The following NISCH variants were observed in gnomAD, a reference collection of about 807,000 sequenced individuals.
The protein encoded by NISCH is I-1 receptor candidate protein.
NISCH carries 55 observed loss-of-function variants against 138.4 expected under a neutral mutation model. The ratio of observed to expected loss-of-function variants is 0.40; its 90% CI spans 0.32 to 0.50. The LOEUF (loss-of-function observed/expected upper bound fraction) is 0.50. Ranked by LOEUF, NISCH falls within the 20% of genes least tolerant of loss-of-function variation. The pLI is 0.71. For synonymous variants in NISCH, 860 were observed against 861.5 expected (o/e 1.00, Z 0.03); for missense variants, 1,643 against 2,005.5 (o/e 0.82, Z 3.45).
At position 52,455,672 on chromosome 3, in the gene NISCH, C is replaced by A. The variant is rs1445176744; in HGVS notation, c.31C>A (p.Arg11=). The change falls in exon 1 of 21, where the codon CGG becomes AGG. Residue 11 remains arginine (R), a synonymous_variant. Transcript: ENST00000345716. ...GACCGCGCGCACCTTCGGGCCCGAG[C>A]GGGAAGCCGAGCCGGCCAAGGAAGC... MATARTFGPE[R]EAEPAKEARV... The A allele has an allele frequency of 3.7e-6, 5 of 1,357,866 alleles. No homozygotes were observed. The African/African-American group carries it at 6.0e-5, about 16-fold the overall frequency. The allele number at this position is 1,357,866 out of a possible 1,614,324, so 84.1% of individuals were successfully genotyped here.
intron 6 of NISCH, 71 bp from the exon 7 acceptor site, chr3:52,473,663 A>G (rs187782668): frequency 2.6e-5 from 29 of 1,103,534 alleles, no homozygotes; most frequent in African/African-American, 2.6e-4. Context: ...GGGGGTAGGA[A>G]ACACCTGCAT....
chr3:52,478,112 G>A lies in NISCH; in HGVS notation c.1003G>A (p.Val335Met). Residue 335 changes from valine (V) to methionine (M), a missense_variant, in exon 10 of 21, where the codon GTG becomes ATG. Val to Met is a conservative substitution (Grantham distance 21, BLOSUM62 1). Coordinates refer to ENST00000345716, the MANE Select transcript of NISCH (RefSeq NM_007184.4). ...VDNLQHLYNL[V>M]HLDLSYNKLS... ...GCCGCTGCAGCACCTGTATAACCTT[G>A]TGCATCTGGACCTGTCCTACAACAA... is the stretch of plus-strand genomic sequence containing the variant. 1 of 1,613,942 alleles carries A rather than the reference G, an allele frequency of 6.2e-7. No individual in the cohort carries two copies. The highest frequency in any genetic ancestry group is 8.5e-7 in the Non-Finnish European group (1 of 1,179,950).
At position 52,455,725 on chromosome 3, in the gene NISCH, C is replaced by T; in HGVS notation, c.84C>T (p.Asp28=). 1.5e-6 allele frequency: 2 copies of T among 1,366,176 alleles called. No individual in the cohort carries two copies. Among genetic ancestry groups the T allele is most frequent in the Non-Finnish European group, 1.9e-6 (2 of 1,049,182 alleles). The allele number at this position is 1,366,176 out of a possible 1,614,324, so 84.6% of individuals were successfully genotyped here. A position where few individuals can be genotyped will look rare whatever the true frequency, so the allele number is the denominator to read the frequency against. Residue 28 remains aspartate, a synonymous_variant, in exon 1 of 21, where the codon GAC becomes GAT. Transcript: ENST00000345716. ...GCGTCGTGGGCTCGGAGCTTGTGGA[C>T]ACTTATACGGTGTGTTGGGGGCGCG... ...EARVVGSELV[D]TYTVYIIQVT...
intron 16 of NISCH, among the ~76,000 whole-genome samples, chr3:52,488,927 A>G (rs1707487558): frequency 6.6e-6 from 1 of 152,184 alleles, no homozygotes; most frequent in Non-Finnish European, 1.5e-5. Flanking sequence ...AACAGGCTGC[A>G]GCACACCGAG....
rs551808399 is a variant in NISCH at position 52,478,658 on chromosome 3, G to A, written c.1302+81G>A. On this transcript the variant is annotated intron_variant, in intron 11 of 20. Coordinates refer to ENST00000345716, the MANE Select transcript of NISCH (RefSeq NM_007184.4). ...CTGCATGGGCGGTAGGGGGATATAT[G>A]TCCATTGTTCTACCCTTGCCTGCTT... The A allele has an allele frequency of 2.5e-5, 34 of 1,339,310 alleles. No homozygotes were observed. The African/African-American group carries it at 4.6e-4, about 18-fold the overall frequency. 83.0% of individuals were successfully genotyped at this position (1,339,310 alleles called of 1,614,324 possible).
chr3:52,455,696 G>A lies in NISCH; in HGVS notation c.55G>A (p.Ala19Thr). 2 of 1,365,496 alleles carry A rather than the reference G, an allele frequency of 1.5e-6. No homozygotes were observed. The highest frequency in any genetic ancestry group is 2.1e-5 in the South Asian group (1 of 48,504). 84.6% of individuals were successfully genotyped at this position (1,365,496 alleles called of 1,614,324 possible). A position where few individuals can be genotyped will look rare whatever the true frequency, so the allele number is the denominator to read the frequency against. Residue 19 changes from alanine (A) to threonine (T), a missense_variant, in exon 1 of 21, where the codon GCG becomes ACG. Ala to Thr is a moderately conservative substitution (Grantham distance 58, BLOSUM62 0). Transcript: ENST00000345716. ...PEREAEPAKEARVVGSELVDT... is the reference protein window; with the variant it reads ...PEREAEPAKETRVVGSELVDT... ...GCGGGAAGCCGAGCCGGCCAAGGAA[G>A]CGCGCGTCGTGGGCTCGGAGCTTGT...
intron 17 of NISCH, 71 bp downstream of exon 17, chr3:52,489,749 GT>G (rs1707512564): frequency 6.4e-7 from 1 of 1,555,606 alleles, no homozygotes; most frequent in Admixed American, 1.8e-5. Context: ...TTGGCTTCAG[GT>G]CAGCCTCAGG....
At chr3:52,488,733 G>T (rs1234082712) in intron 16 of NISCH, 128 bp downstream of exon 16, 2 of 678,688 alleles carry the variant, frequency 2.9e-6, no homozygotes, top group East Asian at 5.9e-5. Flanking sequence ...CCTGCCCCTC[G>T]CCCCCCCCGG....
chr3:52,485,087 A>G (rs543023113), intron 14 of NISCH, among the ~76,000 whole-genome samples: 7 of 152,208 alleles, frequency 4.6e-5, no homozygotes, highest in Middle Eastern at 3.4e-3. Flanking sequence ...TGGTCTGGGA[A>G]ACAGTCTCAC....
chr3:52,488,231 G>T lies in NISCH; in HGVS notation c.2739G>T (p.Thr913=). The change falls in exon 16 of 21, where the codon ACG becomes ACT. Residue 913 remains threonine, a synonymous_variant. Coordinates refer to ENST00000345716, the MANE Select transcript of NISCH (RefSeq NM_007184.4). ...CCATCCCCTACTGGCTGTTGCTCAC[G>T]CCCCAGCACCTCAACGTCATCAAGG... ...SAAIPYWLLL[T]PQHLNVIKAD... is the part of the protein sequence containing the mutation. 6 of 1,611,700 alleles carry T rather than the reference G, an allele frequency of 3.7e-6. No individual in the cohort carries two copies. Among genetic ancestry groups the T allele is most frequent in the Non-Finnish European group, 5.1e-6 (6 of 1,179,982 alleles).
Position 52,487,574 on chromosome 3 carries a change from G to A in NISCH, c.2082G>A (p.Leu694=), listed in dbSNP as rs1707437134. The A allele has an allele frequency of 6.2e-7, 1 of 1,612,880 alleles. No individual in the cohort carries two copies. Among genetic ancestry groups the A allele is most frequent in the South Asian group, 1.1e-5 (1 of 91,066 alleles). ...EEERLALEWA[L]GADEDFLLEH... ...AGCGCCTGGCTCTGGAATGGGCCCT[G>A]GGCGCGGACGAGGACTTCCTGCTGG... Residue 694 remains leucine (L), a synonymous_variant, in exon 16 of 21, where the codon CTG becomes CTA. Coordinates refer to ENST00000345716, the MANE Select transcript of NISCH (RefSeq NM_007184.4). The surrounding 1 kb of genome is among the most constrained non-coding windows in gnomAD (Gnocchi z 9.1).
At chr3:52,463,155 T>G (rs1190531784) in intron 3 of NISCH, among the ~76,000 whole-genome samples, 2 of 152,240 alleles carry the variant, frequency 1.3e-5, no homozygotes, top group Non-Finnish European at 2.9e-5. Context: ...TAATCTACTT[T>G]CTGTCCTTAT....
At position 52,485,196 on chromosome 3, in the gene NISCH, C is replaced by T. The variant is rs146450743; in HGVS notation, c.1653+559C>T. On this transcript the variant is annotated intron_variant, in intron 14 of 20. Transcript: ENST00000345716. Reference sequence around the variant, plus strand: ...AAGCAAGGGTGCTTGCTGTGTGCTTCGCAAATGTGCTTGGTGCCTGGGCCT... The same window carrying T: ...AAGCAAGGGTGCTTGCTGTGTGCTTTGCAAATGTGCTTGGTGCCTGGGCCT... Among the ~76,000 whole-genome samples, 9 of 152,258 alleles carry T rather than the reference C, an allele frequency of 5.9e-5. No homozygotes were observed. The East Asian group carries it at 1.7e-3, about 29-fold the overall frequency.
chr3:52,460,976 C>A (rs371873729), intron 3 of NISCH, among the ~76,000 whole-genome samples: 1 of 152,168 alleles, frequency 6.6e-6, no homozygotes, highest in Non-Finnish European at 1.5e-5. Context: ...CAGTGGCTCA[C>A]GCCTGTAATC....
chr3:52,476,845 C>T (rs918279259), intron 8 of NISCH, among the ~76,000 whole-genome samples: 4 of 152,060 alleles, frequency 2.6e-5, no homozygotes, highest in Non-Finnish European at 5.9e-5. Flanking sequence ...ACCAGCCTGA[C>T]CAATGTGGTG....
chr3:52,487,689 G>A lies in NISCH; in HGVS notation c.2197G>A (p.Asp733Asn), dbSNP rs1419831480. Reference protein sequence around the residue: ...RQFAACLVLTDFGIAVFEIPH... With the variant: ...RQFAACLVLTNFGIAVFEIPH... ...GTTCGCCGCCTGCCTTGTGCTCACC[G>A]ACTTCGGCATCGCAGTCTTCGAGAT... The change falls in exon 16 of 21, where the codon GAC becomes AAC. Residue 733 changes from aspartate (D) to asparagine (N), a missense_variant. By Grantham distance (23) the Asp-to-Asn change is conservative. Transcript: ENST00000345716. The surrounding 1 kb of genome is among the most constrained non-coding windows in gnomAD (Gnocchi z 9.1). 1.9e-6 allele frequency: 3 copies of A among 1,613,730 alleles called. No homozygotes were observed. The highest frequency in any genetic ancestry group is 2.2e-5 in the East Asian group (1 of 44,872).
intron 3 of NISCH, among the ~76,000 whole-genome samples, chr3:52,463,807 T>C (rs185481023): frequency 7.3e-6 from 1 of 137,354 alleles, no homozygotes; most frequent in African/African-American, 2.7e-5. Context: ...CACTGCAACC[T>C]CTGTCTCCTG....
intron 17 of NISCH, 163 bp from the exon 18 acceptor site, chr3:52,489,912 A>G (rs1261438995): frequency 5.1e-5 from 60 of 1,184,620 alleles, no homozygotes; most frequent in Admixed American, 7.8e-5. Flanking sequence ...CCTCCCACCA[A>G]CAGCCATCTC....
At chr3:52,481,179 A>G in intron 13 of NISCH, 1 of 1,193,892 alleles carries the variant, frequency 8.4e-7, no homozygotes, top group African/African-American at 1.6e-5. Context: ...AATGCTCACC[A>G]CTGCCAAAAC....
Sources: gnomAD v4.1 joint callset for allele counts (sites outside exome capture counted in the v4.1 genomes callset) on GRCh38, gnomAD v4.1.1 for gene constraint, Gnocchi (gnomAD v3.1) non-coding constraint, MANE v1.5 for transcripts, NCBI Gene and HGNC (gene_info 2026-07-23, HGNC 2026-07-21) for gene names.